DLEU7: variants seen among roughly 807,000 people sequenced by gnomAD.
The protein encoded by DLEU7 is deleted in lymphocytic leukemia 7.
DLEU7 carries 17 observed loss-of-function variants against 16.0 expected under a neutral mutation model. That is an observed-to-expected ratio of 1.06 (90% CI 0.73 to 1.59). DLEU7 has a LOEUF of 1.59. Ranked by LOEUF, DLEU7 falls within the 40% of genes most tolerant of loss-of-function variation. The pLI is 0.00. For missense variants in DLEU7, 308 were observed against 314.9 expected (o/e 0.98, Z 0.17); for synonymous variants, 113 against 139.8 (o/e 0.81, Z 1.35).
chr13:50,744,387 T>C (rs1038522600), intron 1 of DLEU7, among the ~76,000 whole-genome samples: 3 of 152,242 alleles, frequency 2.0e-5, no homozygotes, highest in Non-Finnish European at 2.9e-5. Context: ...TGGTTCCTTA[T>C]ATTAAATTCA....
At chr13:50,808,575 G>A (rs2137787718) in intron 1 of DLEU7, 1 of 152,256 alleles carries the variant, frequency 6.6e-6, no homozygotes, top group African/African-American at 2.4e-5. Context: ...TATGTGTTGA[G>A]TGAATGGATG....
intron 1 of DLEU7, among the ~76,000 whole-genome samples, chr13:50,782,245 G>T (rs1875670467): frequency 1.3e-5 from 2 of 152,140 alleles, no homozygotes; most frequent in African/African-American, 2.4e-5. Flanking sequence ...CTAGACTTTA[G>T]TACAGTGACT....
At chr13:50,743,409 A>G (rs762728100) in intron 1 of DLEU7, among the ~76,000 whole-genome samples, 2 of 152,170 alleles carry the variant, frequency 1.3e-5, no homozygotes, top group Non-Finnish European at 2.9e-5. Flanking sequence ...AGTTAAGAGT[A>G]TAGGCTCTGG....
At chr13:50,792,421 C>T (rs948704225) in intron 1 of DLEU7, among the ~76,000 whole-genome samples, 2 of 152,100 alleles carry the variant, frequency 1.3e-5, no homozygotes, top group African/African-American at 2.4e-5. Context: ...AAAATGAATC[C>T]CCAATGCAAC....
chr13:50,790,889 T>A (rs554874647), intron 1 of DLEU7, among the ~76,000 whole-genome samples: 1 of 152,154 alleles, frequency 6.6e-6, no homozygotes, highest in Non-Finnish European at 1.5e-5. Flanking sequence ...TCAAAAAAAG[T>A]TTAGCATGTT....
intron 1 of DLEU7, chr13:50,713,343 G>T: frequency 7.1e-7 from 1 of 1,398,692 alleles, no homozygotes; most frequent in African/African-American, 1.4e-5. Flanking sequence ...TTTAGGAATG[G>T]CATTAGGTAC....
chr13:50,790,280 A>G (rs571569474), intron 1 of DLEU7, among the ~76,000 whole-genome samples: 1 of 152,116 alleles, frequency 6.6e-6, no homozygotes, highest in Non-Finnish European at 1.5e-5. Context: ...CATTACTATC[A>G]ATATCTCTTT....
intron 1 of DLEU7, among the ~76,000 whole-genome samples, chr13:50,758,169 A>G (rs960267202): frequency 2.0e-5 from 3 of 151,532 alleles, no homozygotes; most frequent in Non-Finnish European, 4.4e-5. Context: ...ACCTGGCCCC[A>G]AGATGTATTT....
intron 1 of DLEU7, among the ~76,000 whole-genome samples, chr13:50,752,716 C>T (rs1022726379): frequency 1.3e-5 from 2 of 152,000 alleles, no homozygotes; most frequent in Non-Finnish European, 2.9e-5. Context: ...TCGCTGGCTT[C>T]AGGAGTGAAG....
intron 1 of DLEU7, among the ~76,000 whole-genome samples, chr13:50,773,991 G>T (rs1281497702): frequency 6.6e-6 from 1 of 152,200 alleles, no homozygotes; most frequent in African/African-American, 2.4e-5. Context: ...CCCTCCCCCA[G>T]TCAGGCTGCT....
intron 1 of DLEU7, among the ~76,000 whole-genome samples, chr13:50,791,560 A>G (rs1415086505): frequency 6.6e-6 from 1 of 151,342 alleles, no homozygotes; most frequent in African/African-American, 2.4e-5. Flanking sequence ...CTAGGACATC[A>G]CTCTGGAAAC....
At chr13:50,772,463 A>G (rs1202572169) in intron 1 of DLEU7, among the ~76,000 whole-genome samples, 18 of 152,150 alleles carry the variant, frequency 1.2e-4, no homozygotes, top group African/African-American at 2.4e-4. Context: ...CAGGCCTGGT[A>G]GTGACAAAAT....
chr13:50,765,890 G>A (rs1293759153), intron 1 of DLEU7, among the ~76,000 whole-genome samples: 1 of 152,160 alleles, frequency 6.6e-6, no homozygotes, highest in Non-Finnish European at 1.5e-5. Context: ...ATTATTTGGA[G>A]GCTCAAAAGG....
intron 1 of DLEU7, among the ~76,000 whole-genome samples, chr13:50,760,978 C>T (rs1874911260): frequency 6.6e-6 from 1 of 152,116 alleles, no homozygotes; most frequent in African/African-American, 2.4e-5. Flanking sequence ...CAGCATGTCT[C>T]CTCCATCTCT....
chr13:50,749,853 A>G lies in DLEU7; in HGVS notation c.460-36613T>C, dbSNP rs541225848. On this transcript the variant is annotated intron_variant, in intron 1 of 1. Coordinates refer to the DLEU7 transcript ENST00000400393. The stretch of plus-strand genomic sequence containing the variant: ...TGGATATTAGTCCTCTGTCAGATGT[A>G]TAGATTGTGAAGATTTTCTCCAACT... 3.9e-5 allele frequency among the ~76,000 whole-genome samples: 6 copies of G among 152,250 alleles called. No individual in the cohort carries two copies. In the South Asian group the frequency reaches 1.0e-3, roughly 26 times the overall value.
chr13:50,825,786 T>C (rs1877063382), intron 1 of DLEU7, among the ~76,000 whole-genome samples: 1 of 152,234 alleles, frequency 6.6e-6, no homozygotes, highest in South Asian at 2.1e-4. Flanking sequence ...TTTACAATGA[T>C]ATTTAAGTGC....
intron 1 of DLEU7, among the ~76,000 whole-genome samples, chr13:50,739,325 A>G (rs2137723780): frequency 6.6e-6 from 1 of 152,290 alleles, no homozygotes; most frequent in Non-Finnish European, 1.5e-5. Context: ...ATCATCTGGA[A>G]CCAAATTTGA....
At chr13:50,728,396 C>A (rs564900751) in intron 1 of DLEU7, among the ~76,000 whole-genome samples, 1 of 152,250 alleles carries the variant, frequency 6.6e-6, no homozygotes, top group East Asian at 1.9e-4. Flanking sequence ...CAAATGAGTT[C>A]TAGAATTTAA....
intron 1 of DLEU7, among the ~76,000 whole-genome samples, chr13:50,751,425 T>C (rs533559818): frequency 1.3e-5 from 2 of 152,310 alleles, no homozygotes; most frequent in Admixed American, 6.5e-5. Context: ...GTTTTGGTAT[T>C]AGGGTGATGC....
Sources: allele counts gnomAD v4.1 joint callset (sites outside exome capture counted in the v4.1 genomes callset), GRCh38; gene constraint gnomAD v4.1.1; transcripts MANE v1.5; gene names NCBI Gene and HGNC (gene_info 2026-07-23, HGNC 2026-07-21).